Variants in RGL1 observed in about 807,000 individuals in gnomAD.
The protein encoded by RGL1 is ral guanine nucleotide dissociation stimulator like 1, also known as ral guanine nucleotide dissociation stimulator-like 1.
In RGL1, 24 loss-of-function variants were observed where a neutral mutation model predicts 95.2. The ratio of observed to expected loss-of-function variants is 0.25; its 90% CI spans 0.18 to 0.35. The LOEUF (loss-of-function observed/expected upper bound fraction) is 0.35, where lower values mean the gene tolerates loss of function less well. Among genes scored for constraint, RGL1 ranks in the 10% least tolerant of loss-of-function variants. RGL1 has a pLI of 1.00. For missense variants in RGL1, 715 were observed against 936.3 expected, an observed-to-expected ratio of 0.76 and a Z score of 3.08; for synonymous variants, 329 against 344.9, an observed-to-expected ratio of 0.95 and a Z score of 0.51.
chr1:183,686,368 G>A (rs1653583948), intron 1 of RGL1, among the ~76,000 whole-genome samples: 1 of 152,074 alleles, frequency 6.6e-6, no homozygotes, highest in African/African-American at 2.4e-5. Context: ...TTGGTCAGAG[G>A]TAGGGGCACC....
At chr1:183,792,088 A>G (rs1660465802) in intron 2 of RGL1, among the ~76,000 whole-genome samples, 1 of 152,062 alleles carries the variant, frequency 6.6e-6, no homozygotes, top group Non-Finnish European at 1.5e-5. Context: ...CAAAAGCCTC[A>G]TACCTTCCCA....
At chr1:183,886,016 A>C (rs1054876033) in intron 7 of RGL1, among the ~76,000 whole-genome samples, 1 of 152,154 alleles carries the variant, frequency 6.6e-6, no homozygotes, top group Non-Finnish European at 1.5e-5. Context: ...TATTAATATG[A>C]AAATATCATA....
chr1:183,864,144 C>G (rs1665684271), intron 3 of RGL1, among the ~76,000 whole-genome samples: 1 of 152,126 alleles, frequency 6.6e-6, no homozygotes, highest in Non-Finnish European at 1.5e-5. Context: ...GATCTGGAAA[C>G]TTGTAGTACA....
intron 2 of RGL1, among the ~76,000 whole-genome samples, chr1:183,843,756 C>A (rs886920588): frequency 6.6e-6 from 1 of 152,118 alleles, no homozygotes; most frequent in African/African-American, 2.4e-5. Flanking sequence ...GTTTGACTAT[C>A]CCTAACCACT....
chr1:183,683,012 T>C (rs1321468208), intron 1 of RGL1, among the ~76,000 whole-genome samples: 1 of 152,088 alleles, frequency 6.6e-6, no homozygotes, highest in Non-Finnish European at 1.5e-5. Flanking sequence ...TTTTTTGCTT[T>C]CCATTTGCTT....
chr1:183,762,368 A>C (rs1465572588), intron 2 of RGL1, among the ~76,000 whole-genome samples: 1 of 152,244 alleles, frequency 6.6e-6, no homozygotes, highest in East Asian at 1.9e-4. Context: ...GTCTCAGGGA[A>C]TAGAAAGGCA....
At chr1:183,841,584 G>T (rs568893986) in intron 2 of RGL1, among the ~76,000 whole-genome samples, 1 of 152,296 alleles carries the variant, frequency 6.6e-6, no homozygotes, top group South Asian at 2.1e-4. Context: ...TTGACATCAT[G>T]GGCCCTAAAG....
At chr1:183,701,882 A>G (rs1654616638) in intron 1 of RGL1, among the ~76,000 whole-genome samples, 1 of 152,222 alleles carries the variant, frequency 6.6e-6, no homozygotes. Context: ...GGATGCAGTG[A>G]GCTGAGATTG....
At chr1:183,711,199 G>A (rs1417312473) in intron 1 of RGL1, among the ~76,000 whole-genome samples, 1 of 152,088 alleles carries the variant, frequency 6.6e-6, no homozygotes, top group East Asian at 1.9e-4. Flanking sequence ...TTATGCAAAG[G>A]GTAGCCTGCT....
At chr1:183,736,416 G>T (rs1008503299) in intron 1 of RGL1, among the ~76,000 whole-genome samples, 4 of 152,170 alleles carry the variant, frequency 2.6e-5, no homozygotes, top group Non-Finnish European at 4.4e-5. Context: ...GCCAAGAAAG[G>T]TGAAATGGCT....
At chr1:183,653,351 A>G (rs1198440275) in intron 1 of RGL1, 1 of 152,248 alleles carries the variant, frequency 6.6e-6, no homozygotes, top group East Asian at 1.9e-4. Flanking sequence ...CAAAGTAGCT[A>G]CTGCTAGGAT....
At chr1:183,816,760 C>T (rs1410787278) in intron 2 of RGL1, among the ~76,000 whole-genome samples, 1 of 152,072 alleles carries the variant, frequency 6.6e-6, no homozygotes, top group Non-Finnish European at 1.5e-5. Context: ...TGCCTTTCTT[C>T]CTTCATTCCA....
Position 183,926,392 on chromosome 1 carries a change from T to G in RGL1, c.*100T>G, listed in dbSNP as rs938392215. ...CCATCCGGTGTTCGAGGATCATTGG[T>G]GAAGTCAGCAGATATTTATTGAGTT... On this transcript the variant is annotated 3_prime_UTR_variant, in exon 18 of 18. Coordinates refer to ENST00000360851, the MANE Select transcript of RGL1 (RefSeq NM_001297671.3). 1.0e-6 allele frequency: 1 copy of G among 984,390 alleles called. No homozygotes were observed. The allele number at this position is 984,390 out of a possible 1,614,324, so 61.0% of individuals were successfully genotyped here.
chr1:183,861,210 G>C (rs1362613651), intron 3 of RGL1, among the ~76,000 whole-genome samples: 1 of 152,080 alleles, frequency 6.6e-6, no homozygotes, highest in East Asian at 1.9e-4. Context: ...TGTTATTATT[G>C]GATCATTTGC....
chr1:183,887,374 G>A (rs1275570038), intron 7 of RGL1, among the ~76,000 whole-genome samples: 1 of 151,822 alleles, frequency 6.6e-6, no homozygotes, highest in Non-Finnish European at 1.5e-5. Flanking sequence ...CTAAATTAGA[G>A]TGCTGTTTTT....
chr1:183,707,398 G>T (rs148660252), intron 1 of RGL1, among the ~76,000 whole-genome samples: 1 of 152,196 alleles, frequency 6.6e-6, no homozygotes, highest in Non-Finnish European at 1.5e-5. Context: ...AGATCAGTGA[G>T]GGGGAAGGGA....
At chr1:183,813,306 G>T (rs114561578) in intron 2 of RGL1, among the ~76,000 whole-genome samples, 2,715 of 152,278 alleles carry the variant, frequency 0.018, 79 homozygotes, top group African/African-American at 0.059. Flanking sequence ...ATGTACTGGG[G>T]ACTTCAAGTC....
intron 1 of RGL1, among the ~76,000 whole-genome samples, chr1:183,715,118 A>G (rs1020367386): frequency 2.6e-5 from 4 of 152,240 alleles, no homozygotes; most frequent in African/African-American, 9.6e-5. Context: ...AATAAGTGGC[A>G]GAGCTTCATT....
In RGL1 at chr1:183,719,855, G is replaced by A. The variant is rs189393491; in HGVS notation, c.-32-22271G>A. Among the ~76,000 whole-genome samples the A allele has an allele frequency of 4.3e-3, 653 of 152,224 alleles. 2 individuals carry two copies. Among genetic ancestry groups the A allele is most frequent in the Non-Finnish European group, 6.1e-3 (417 of 68,010 alleles). Reference sequence around the variant, plus strand: ...CTGGAGGCAGAGGTTGCAGTGAGCCGGGATTGTGCCACTGCACTCCAGCCT... The same window carrying A: ...CTGGAGGCAGAGGTTGCAGTGAGCCAGGATTGTGCCACTGCACTCCAGCCT... On this transcript the variant is annotated intron_variant, in intron 1 of 18. Coordinates refer to the RGL1 transcript ENST00000304685.
Sources: allele counts gnomAD v4.1 joint callset (sites outside exome capture counted in the v4.1 genomes callset), GRCh38; gene constraint gnomAD v4.1.1; transcripts MANE v1.5; gene names NCBI Gene and HGNC (gene_info 2026-07-23, HGNC 2026-07-21).